Variants in WTAP observed in about 807,000 individuals in gnomAD.
WTAP encodes pre-mRNA-splicing regulator WTAP.
In WTAP, 8 loss-of-function variants were observed where a neutral mutation model predicts 50.0. That is an observed-to-expected ratio of 0.16 (90% confidence interval 0.09 to 0.29). The LOEUF (loss-of-function observed/expected upper bound fraction) is 0.29. Ranked by LOEUF, WTAP falls within the 10% of genes least tolerant of loss-of-function variation. The pLI is 1.00. For missense variants in WTAP, 295 were observed against 470.7 expected, an observed-to-expected ratio of 0.63 and a Z score of 3.45; for synonymous variants, 194 against 169.0, an observed-to-expected ratio of 1.15 and a Z score of -1.15.
chr6:159,748,558 G>C lies in WTAP; in HGVS notation c.452+189G>C. On this transcript the variant is annotated intron_variant, in intron 6 of 7. Transcript: ENST00000621533. This position sits in a 1 kb window ranked among gnomAD's most constrained non-coding sequence, Gnocchi z 5.6. The stretch of plus-strand genomic sequence containing the variant: ...CTTACCAGATGAACCTTGTGTTTCA[G>C]CTTTTTTCTTTTCCCCTTCCCCTTG... 1 of 1,354,892 alleles carries C rather than the reference G, an allele frequency of 7.4e-7. No homozygotes were observed. Among genetic ancestry groups the C allele is most frequent in the Non-Finnish European group, 9.5e-7 (1 of 1,050,668 alleles). The allele number at this position is 1,354,892 out of a possible 1,614,324, so 83.9% of individuals were successfully genotyped here.
chr6:159,734,204 G>A (rs1031535793), intron 1 of WTAP, among the ~76,000 whole-genome samples: 2 of 151,986 alleles, frequency 1.3e-5, no homozygotes, highest in African/African-American at 4.8e-5. Flanking sequence ...ATGAGAGACA[G>A]GGTCTTACCA....
intron 1 of WTAP, among the ~76,000 whole-genome samples, chr6:159,732,278 T>G (rs1486495077): frequency 6.6e-6 from 1 of 152,188 alleles, no homozygotes; most frequent in African/African-American, 2.4e-5. Context: ...TCCATGATAC[T>G]TTAGTATTAC....
At chr6:159,726,776 G>A, upstream of WTAP, 3 of 1,289,002 alleles carry the variant, frequency 2.3e-6, no homozygotes, top group East Asian at 5.6e-5. Context: ...AAGGAGGAAC[G>A]AACCCAGCGG....
chr6:159,751,133 A>C (rs1779804541), intron 6 of WTAP, among the ~76,000 whole-genome samples: 1 of 152,198 alleles, frequency 6.6e-6, no homozygotes, highest in Non-Finnish European at 1.5e-5. Context: ...TTATTTCAAA[A>C]ACAACTACTT....
At chr6:159,739,824 C>CTTTTTTTTTTTTTTTTT in intron 3 of WTAP, among the ~76,000 whole-genome samples, 1 of 85,188 alleles carries the variant, frequency 1.2e-5, no homozygotes, top group East Asian at 4.7e-4. Flanking sequence ...CACTTTTTAC[C>CTTTTTTTTTTTTTTTTT]TTTTTTTTTT....
At chr6:159,741,154 C>T (rs1779232340) in intron 3 of WTAP, among the ~76,000 whole-genome samples, 1 of 152,116 alleles carries the variant, frequency 6.6e-6, no homozygotes, top group South Asian at 2.1e-4. Flanking sequence ...GGGTGCTTTC[C>T]ATTAGGAACT....
intron 1 of WTAP, among the ~76,000 whole-genome samples, chr6:159,730,465 GA>G (rs1323509317): frequency 1.3e-5 from 2 of 152,076 alleles, no homozygotes; most frequent in African/African-American, 4.8e-5. Flanking sequence ...TTGCCCTGGG[GA>G]ATACCAAACT....
chr6:159,752,530 A>T (rs1583107679), intron 6 of WTAP, among the ~76,000 whole-genome samples: 1 of 152,184 alleles, frequency 6.6e-6, no homozygotes, highest in Non-Finnish European at 1.5e-5. Flanking sequence ...AGCATTTGGA[A>T]ACTATAATCT....
At chr6:159,732,714 C>T (rs1344500550) in intron 1 of WTAP, among the ~76,000 whole-genome samples, 2 of 152,042 alleles carry the variant, frequency 1.3e-5, no homozygotes, top group African/African-American at 2.4e-5. Flanking sequence ...ATCTCAGCTA[C>T]TCTGGAGGCT....
At chr6:159,730,019 T>C (rs1778470093) in intron 1 of WTAP, among the ~76,000 whole-genome samples, 1 of 152,186 alleles carries the variant, frequency 6.6e-6, no homozygotes, top group African/African-American at 2.4e-5. Flanking sequence ...TTCTGAGATA[T>C]ATTATCTCTG....
chr6:159,732,556 C>T (rs1468492011), intron 1 of WTAP, among the ~76,000 whole-genome samples: 4 of 152,074 alleles, frequency 2.6e-5, no homozygotes, highest in East Asian at 1.9e-4. Flanking sequence ...TATTATTGGC[C>T]GGGCGCAGTA....
intron 1 of WTAP, among the ~76,000 whole-genome samples, chr6:159,735,852 A>G (rs1778881889): frequency 6.6e-6 from 1 of 152,224 alleles, no homozygotes; most frequent in Non-Finnish European, 1.5e-5. Flanking sequence ...ATAATGCTAT[A>G]AAAGGAAAGA....
chr6:159,728,602 C>T (rs949842673), intron 1 of WTAP, among the ~76,000 whole-genome samples: 3 of 152,070 alleles, frequency 2.0e-5, no homozygotes, highest in African/African-American at 4.8e-5. Flanking sequence ...AAATTTTGAC[C>T]ATTAAGTTTT....
At position 159,755,755 on chromosome 6, in the gene WTAP, T is replaced by C. The variant is rs1472640576; in HGVS notation, c.*144T>C. ...TTTGTTGTTTTTTTTCTTTGTTTTTTTTTTCTTTTCTTTTTTTTTTTTTTT... is the reference window on the plus strand; with the variant it reads ...TTTGTTGTTTTTTTTCTTTGTTTTTCTTTTCTTTTCTTTTTTTTTTTTTTT... On this transcript the variant is annotated 3_prime_UTR_variant, in exon 8 of 8. Transcript: ENST00000621533. 9.3e-6 allele frequency: 10 copies of C among 1,077,662 alleles called. No individual in the cohort carries two copies. In the Admixed American group the frequency reaches 1.7e-4, roughly 19 times the overall value. 66.8% of individuals were successfully genotyped at this position (1,077,662 alleles called of 1,614,324 possible).
intron 3 of WTAP, among the ~76,000 whole-genome samples, chr6:159,740,820 G>C (rs1309261937): frequency 6.6e-6 from 1 of 151,344 alleles, no homozygotes; most frequent in Non-Finnish European, 1.5e-5. Context: ...TCCTGCCTCA[G>C]CCTCCCAAGT....
chr6:159,739,125 C>G (rs1779092058), intron 3 of WTAP, 80 bp downstream of exon 3: 20 of 1,174,802 alleles, frequency 1.7e-5, no homozygotes, highest in Non-Finnish European at 2.3e-5. Flanking sequence ...GTCTTTGTGC[C>G]AGATATTGTT....
intron 1 of WTAP, among the ~76,000 whole-genome samples, chr6:159,728,037 C>T (rs59250477): frequency 2.0e-5 from 3 of 152,204 alleles, no homozygotes; most frequent in South Asian, 2.1e-4. Flanking sequence ...GGGGTCGCCC[C>T]CTTCACCTCC....
At chr6:159,727,136 G>C, upstream of WTAP, 2 of 1,194,944 alleles carry the variant, frequency 1.7e-6, no homozygotes, top group Non-Finnish European at 2.1e-6. Context: ...TACTGAGCTT[G>C]CTGAGCTCCG....
At chr6:159,731,434 C>G (rs1036733776) in intron 1 of WTAP, among the ~76,000 whole-genome samples, 5 of 152,084 alleles carry the variant, frequency 3.3e-5, no homozygotes, top group African/African-American at 4.8e-5. Flanking sequence ...AGTCACTGCA[C>G]TCCAGCCTGG....
Sources: gnomAD v4.1 joint callset for allele counts (sites outside exome capture counted in the v4.1 genomes callset) on GRCh38, gnomAD v4.1.1 for gene constraint, Gnocchi (gnomAD v3.1) non-coding constraint, MANE v1.5 for transcripts, NCBI Gene and HGNC (gene_info 2026-07-23, HGNC 2026-07-21) for gene names.